The following SLC25A31 variants were observed in gnomAD, a reference collection of about 807,000 sequenced individuals.
SLC25A31 encodes the protein ADP/ATP translocase 4.
In SLC25A31, 40 loss-of-function variants were observed where a neutral mutation model predicts 36.2. That is an observed-to-expected ratio of 1.10 (90% CI 0.86 to 1.44). The LOEUF (loss-of-function observed/expected upper bound fraction) is 1.44. SLC25A31 is among the 40% of genes most tolerant of loss of function. SLC25A31 has a pLI of 0.00. For synonymous variants in SLC25A31, 143 were observed against 149.7 expected (o/e 0.96, Z 0.32); for missense variants, 350 against 397.1 (o/e 0.88, Z 1.01).
chr4:127,730,431 G>C lies in SLC25A31; in HGVS notation c.-115G>C. 8.7e-7 allele frequency: 1 copy of C among 1,155,030 alleles called. No homozygotes were observed. Among genetic ancestry groups the C allele is most frequent in the Non-Finnish European group, 1.2e-6 (1 of 818,068 alleles). The allele number at this position is 1,155,030 out of a possible 1,614,324, so 71.5% of individuals were successfully genotyped here. A position where few individuals can be genotyped will look rare whatever the true frequency, so the allele number is the denominator to read the frequency against. On this transcript the variant is annotated 5_prime_UTR_variant, in exon 1 of 6. Coordinates refer to ENST00000281154, the MANE Select transcript of SLC25A31 (RefSeq NM_031291.4). ...GCGCGGCTCTCTCAGCGTCCCAAGA[G>C]CCACTTTCTCGCCAGTACGATGCTG...
chr4:127,771,223 GT>G (rs1016711814), intron 5 of SLC25A31, among the ~76,000 whole-genome samples: 5 of 151,896 alleles, frequency 3.3e-5, no homozygotes, highest in African/African-American at 1.2e-4. Context: ...TCCCGAAGTG[GT>G]AGGATTACAG....
intron 1 of SLC25A31, among the ~76,000 whole-genome samples, chr4:127,737,778 C>CA (rs372417774): frequency 5.8e-4 from 88 of 151,852 alleles, no homozygotes; most frequent in Non-Finnish European, 9.7e-4. Flanking sequence ...AGGCTGGTCT[C>CA]AAACTTCTGG....
intron 2 of SLC25A31, among the ~76,000 whole-genome samples, chr4:127,758,378 G>A (rs1219845008): frequency 6.6e-6 from 1 of 152,106 alleles, no homozygotes; most frequent in Non-Finnish European, 1.5e-5. Context: ...TATAGATTCT[G>A]GATATTAATC....
intron 1 of SLC25A31, among the ~76,000 whole-genome samples, chr4:127,741,788 T>C (rs1292863013): frequency 6.6e-6 from 1 of 152,218 alleles, no homozygotes; most frequent in Admixed American, 6.5e-5. Context: ...TTCTTTATTG[T>C]TAAGTTTCTG....
chr4:127,752,074 T>C (rs934651412), intron 2 of SLC25A31, among the ~76,000 whole-genome samples: 2 of 152,344 alleles, frequency 1.3e-5, no homozygotes, highest in Non-Finnish European at 2.9e-5. Flanking sequence ...ACTGAGTATA[T>C]ACCCAAAGGA....
At chr4:127,759,859 T>C (rs1732095661) in intron 2 of SLC25A31, among the ~76,000 whole-genome samples, 1 of 152,222 alleles carries the variant, frequency 6.6e-6, no homozygotes. Context: ...ACTTTTGATA[T>C]GTGCACCAAC....
intron 5 of SLC25A31, 141 bp from the exon 6 acceptor site, chr4:127,773,245 A>T: frequency 1.6e-6 from 1 of 626,042 alleles, no homozygotes; most frequent in Non-Finnish European, 2.5e-6. Flanking sequence ...TCTAACCACC[A>T]GGGACAGTAG....
At chr4:127,742,585 C>T (rs889763225) in intron 1 of SLC25A31, among the ~76,000 whole-genome samples, 6 of 152,214 alleles carry the variant, frequency 3.9e-5, no homozygotes, top group Non-Finnish European at 7.3e-5. Flanking sequence ...CAGTACTCAT[C>T]GTCTCTGTGA....
Position 127,767,076 on chromosome 4 carries a change from G to A in SLC25A31, c.489G>A (p.Glu163=). ...ATGGCTTTATTTTAGGTCCTGAGGA[G>A]CGACAATTCAAGGGTTTAGGTGACT... The part of the protein sequence containing the change: ...LGVDIGKGPE[E]RQFKGLGDCI... Residue 163 remains glutamate, a synonymous_variant, in exon 4 of 6, where the codon GAG becomes GAA. Transcript: ENST00000281154. 6.2e-7 allele frequency: 1 copy of A among 1,610,186 alleles called. No individual in the cohort carries two copies. Among genetic ancestry groups the A allele is most frequent in the African/African-American group, 1.3e-5 (1 of 74,826 alleles).
intron 2 of SLC25A31, among the ~76,000 whole-genome samples, chr4:127,755,514 C>G (rs1254499639): frequency 6.6e-6 from 1 of 152,074 alleles, no homozygotes; most frequent in Non-Finnish European, 1.5e-5. Context: ...CGAAGACATA[C>G]AGATAGACAA....
At chr4:127,771,032 C>T (rs1412676433) in intron 5 of SLC25A31, among the ~76,000 whole-genome samples, 1 of 146,956 alleles carries the variant, frequency 6.8e-6, no homozygotes, top group East Asian at 2.1e-4. Context: ...TCTCGGCTCA[C>T]TGCAACCTCT....
intron 2 of SLC25A31, among the ~76,000 whole-genome samples, chr4:127,749,548 A>G (rs1159564842): frequency 2.0e-5 from 3 of 152,086 alleles, no homozygotes; most frequent in African/African-American, 4.8e-5. Context: ...GATCGAGACC[A>G]TCCTGGCCAA....
chr4:127,764,220 A>C (rs138764425), intron 2 of SLC25A31, 23 bp from the exon 3 acceptor site: 2 of 1,591,072 alleles, frequency 1.3e-6, no homozygotes, highest in East Asian at 2.2e-5. Context: ...TTTAATAACC[A>C]CTTTTAAATT....
Position 127,768,350 on chromosome 4 carries a change from T to C in SLC25A31, c.634-402T>C, listed in dbSNP as rs902519524. ...AGTTTGTTATCACCTGCAGTAGTTATGAAATTTAGGAACATTTCTCCACTA... is the reference window on the plus strand; with the variant it reads ...AGTTTGTTATCACCTGCAGTAGTTACGAAATTTAGGAACATTTCTCCACTA... On this transcript the variant is annotated intron_variant, in intron 4 of 5. Transcript: ENST00000281154. 3.3e-4 allele frequency among the ~76,000 whole-genome samples: 50 copies of C among 152,228 alleles called. 1 individual carries two copies. The highest frequency in any genetic ancestry group is 2.1e-4 in the South Asian group (1 of 4,828).
intron 2 of SLC25A31, among the ~76,000 whole-genome samples, chr4:127,760,550 C>T (rs1021658938): frequency 2.0e-5 from 3 of 152,252 alleles, no homozygotes; most frequent in Admixed American, 1.3e-4. Context: ...AAGACTAGAG[C>T]TGCTCCCAGC....
Position 127,773,648 on chromosome 4 carries a change from C to A in SLC25A31, c.*74C>A. On this transcript the variant is annotated 3_prime_UTR_variant, in exon 6 of 6. Transcript: ENST00000281154. ...AAATTACATAGCTGCCATTTGCATA[C>A]ATTTTGATAGTGTTATTGTCTGTAT... 8.3e-7 allele frequency: 1 copy of A among 1,205,666 alleles called. No individual in the cohort carries two copies. Among genetic ancestry groups the A allele is most frequent in the Non-Finnish European group, 1.1e-6 (1 of 881,072 alleles). The allele number at this position is 1,205,666 out of a possible 1,614,324, so 74.7% of individuals were successfully genotyped here.
chr4:127,758,985 A>G (rs534645524), intron 2 of SLC25A31, among the ~76,000 whole-genome samples: 87 of 152,260 alleles, frequency 5.7e-4, no homozygotes, highest in African/African-American at 2.1e-3. Flanking sequence ...GAATTTTAGA[A>G]TGCTTTTTTC....
In SLC25A31 at chr4:127,764,309, G is replaced by A. The variant is rs749129597; in HGVS notation, c.427G>A (p.Val143Ile). Residue 143 changes from valine to isoleucine, a missense_variant, in exon 3 of 6, where the codon GTA becomes ATA. Physicochemically the swap from Val to Ile is conservative, Grantham distance 29 (BLOSUM62 3). Coordinates refer to ENST00000281154, the MANE Select transcript of SLC25A31 (RefSeq NM_031291.4). ...TGCTGGGGCAACATCCTTATGTGTA[G>A]TATATCCTCTAGATTTTGCCCGAAC... Reference protein sequence around the residue: ...GAAGATSLCVVYPLDFARTRL... With the variant: ...GAAGATSLCVIYPLDFARTRL... The A allele has an allele frequency of 5.6e-6, 9 of 1,613,948 alleles. No individual in the cohort carries two copies. Among genetic ancestry groups the A allele is most frequent in the African/African-American group, 4.0e-5 (3 of 74,928 alleles).
intron 1 of SLC25A31, among the ~76,000 whole-genome samples, chr4:127,736,776 ATAGT>A (rs770146528): frequency 2.0e-5 from 3 of 152,240 alleles, no homozygotes; most frequent in Admixed American, 6.5e-5. Flanking sequence ...TGTCTACACC[ATAGT>A]TAGTGCTCAA....
Sources: gnomAD v4.1 joint callset for allele counts (sites outside exome capture counted in the v4.1 genomes callset) on GRCh38, gnomAD v4.1.1 for gene constraint, MANE v1.5 for transcripts, NCBI Gene and HGNC (gene_info 2026-07-23, HGNC 2026-07-21) for gene names.